The following IGF2R variants were observed in gnomAD, a reference collection of about 807,000 sequenced individuals.
IGF2R encodes insulin like growth factor 2 receptor.
In IGF2R, 91 loss-of-function variants were observed where a neutral mutation model predicts 270.6. The ratio of observed to expected loss-of-function variants is 0.34; its 90% confidence interval spans 0.28 to 0.40. The LOEUF (loss-of-function observed/expected upper bound fraction) is 0.40, where lower values mean the gene tolerates loss of function less well. Ranked by LOEUF, IGF2R falls within the 10% of genes least tolerant of loss-of-function variation. IGF2R has a pLI of 1.00. For missense variants in IGF2R, 2,805 were observed against 3,188.3 expected, an observed-to-expected ratio of 0.88 and a Z score of 2.90; for synonymous variants, 1,316 against 1,258.9, an observed-to-expected ratio of 1.05 and a Z score of -0.96.
intron 4 of IGF2R, among the ~76,000 whole-genome samples, chr6:160,012,649 G>A (rs77740224): frequency 2.6e-5 from 4 of 151,286 alleles, no homozygotes; most frequent in Non-Finnish European, 5.9e-5. Flanking sequence ...CCCAGGCCCC[G>A]CCTCCAATGT....
intron 4 of IGF2R, among the ~76,000 whole-genome samples, chr6:160,015,467 C>T (rs1241086722): frequency 6.6e-6 from 1 of 151,838 alleles, no homozygotes; most frequent in Non-Finnish European, 1.5e-5. Flanking sequence ...AGTTGGGTGC[C>T]CCTACTTCAT....
At chr6:160,051,644 A>G (rs1432983912) in intron 19 of IGF2R, among the ~76,000 whole-genome samples, 2 of 152,148 alleles carry the variant, frequency 1.3e-5, no homozygotes, top group African/African-American at 2.4e-5. Flanking sequence ...TGTATGTGTA[A>G]TACAAAACAG....
chr6:159,972,146 C>T (rs80289813), intron 1 of IGF2R, among the ~76,000 whole-genome samples: 4,159 of 151,984 alleles, frequency 0.027, 175 homozygotes, highest in African/African-American at 0.095. Context: ...AAAATTTTAT[C>T]GTGTCACCAA....
chr6:160,090,605 G>T (rs768673644), intron 44 of IGF2R, among the ~76,000 whole-genome samples: 11 of 152,214 alleles, frequency 7.2e-5, no homozygotes, highest in Non-Finnish European at 1.0e-4. Flanking sequence ...ACTAATAAGG[G>T]TGTTGCCCTT....
chr6:160,004,886 G>A lies in IGF2R; in HGVS notation c.290-4124G>A, dbSNP rs376514127. The A allele has an allele frequency of 7.5e-4, 114 of 152,372 alleles. No individual in the cohort carries two copies. Among genetic ancestry groups the A allele is most frequent in the African/African-American group, 2.4e-3 (99 of 41,552 alleles). The allele number at this position is 152,372 out of a possible 1,614,324, so 9.4% of individuals were successfully genotyped here. A position where few individuals can be genotyped will look rare whatever the true frequency, so the allele number is the denominator to read the frequency against. ...GGACTGCACTGCGACGAGACAGGAGGAAAGGTCAAACCTGTCTCCCCAAGC... is the reference window on the plus strand; with the variant it reads ...GGACTGCACTGCGACGAGACAGGAGAAAAGGTCAAACCTGTCTCCCCAAGC... On this transcript the variant is annotated intron_variant, in intron 2 of 47. Coordinates refer to ENST00000356956, the MANE Select transcript of IGF2R (RefSeq NM_000876.4). The surrounding 1 kb of genome is among the most constrained non-coding windows in gnomAD (Gnocchi z 5.2).
In IGF2R at chr6:160,022,777, A is replaced by T. The variant is rs567768445; in HGVS notation, c.514-1795A>T. 1.5e-3 allele frequency among the ~76,000 whole-genome samples: 234 copies of T among 152,312 alleles called. 2 individuals are homozygous for T. The highest frequency in any genetic ancestry group is 5.5e-3 in the African/African-American group (228 of 41,564). ...GAGGCTGAGTATGGGAGACAGAGAG[A>T]GGTAGAGAGTGCTGTTTTAGGTAAA... On this transcript the variant is annotated intron_variant, in intron 4 of 47. Transcript: ENST00000356956.
intron 45 of IGF2R, among the ~76,000 whole-genome samples, chr6:160,100,589 G>GA (rs1351936141): frequency 2.0e-5 from 3 of 152,220 alleles, no homozygotes; most frequent in East Asian, 3.9e-4. Context: ...ACAGCACAGT[G>GA]AAAAGCAAGA....
intron 19 of IGF2R, among the ~76,000 whole-genome samples, chr6:160,054,957 C>A (rs890116578): frequency 6.6e-6 from 1 of 152,112 alleles, no homozygotes; most frequent in Admixed American, 6.5e-5. Context: ...CACTCACCTG[C>A]CTGGTCTGCT....
At chr6:160,089,337 T>A (rs1779167618) in intron 43 of IGF2R, 84 bp downstream of exon 43, 1 of 1,267,136 alleles carries the variant, frequency 7.9e-7, no homozygotes, top group African/African-American at 1.5e-5. Context: ...CGGGGAGCAC[T>A]GCAGGATAAA....
intron 30 of IGF2R, among the ~76,000 whole-genome samples, chr6:160,068,661 A>G (rs1416483831): frequency 2.3e-5 from 3 of 128,812 alleles, no homozygotes; most frequent in Non-Finnish European, 4.9e-5. Context: ...GGTGGTTGCA[A>G]TGAATGTATT....
intron 19 of IGF2R, among the ~76,000 whole-genome samples, chr6:160,054,906 G>A (rs1420795886): frequency 6.6e-6 from 1 of 152,164 alleles, no homozygotes; most frequent in Non-Finnish European, 1.5e-5. Flanking sequence ...TGAGCCAGCA[G>A]GATGCGTTCT....
rs182452991 is a variant in IGF2R at position 160,040,964 on chromosome 6, C to T, written c.1480+240C>T. ...TTTCACCCTTTTACACACTGCCTCT[C>T]TTCCATCTCTGAGGTGGGATCTGCA... is the stretch of plus-strand genomic sequence containing the variant. On this transcript the variant is annotated intron_variant, in intron 11 of 47. Coordinates refer to ENST00000356956, the MANE Select transcript of IGF2R (RefSeq NM_000876.4). 2.3e-3 allele frequency among the ~76,000 whole-genome samples: 345 copies of T among 152,328 alleles called. 5 individuals carry two copies. Among genetic ancestry groups the T allele is most frequent in the African/African-American group, 8.0e-3 (334 of 41,572 alleles).
At chr6:160,062,762 C>T in intron 26 of IGF2R, 143 bp downstream of exon 26, 8 of 566,762 alleles carry the variant, frequency 1.4e-5, no homozygotes, top group Non-Finnish European at 2.5e-5. Flanking sequence ...AATTTCTTTT[C>T]CTTGAGCTTT....
At chr6:160,022,404 CAA>C (rs1183545622) in intron 4 of IGF2R, among the ~76,000 whole-genome samples, 1 of 152,146 alleles carries the variant, frequency 6.6e-6, no homozygotes, top group Non-Finnish European at 1.5e-5. Flanking sequence ...ATAAAACAAA[CAA>C]AGAGGCACCC....
At chr6:159,983,067 A>G (rs1430483113) in intron 1 of IGF2R, among the ~76,000 whole-genome samples, 1 of 152,142 alleles carries the variant, frequency 6.6e-6, no homozygotes, top group African/African-American at 2.4e-5. Flanking sequence ...TGTATTTTGA[A>G]TTTTTTATTT....
At chr6:160,046,055 C>T (rs4708856) in intron 14 of IGF2R, among the ~76,000 whole-genome samples, 173 bp downstream of exon 14, 8,602 of 152,250 alleles carry the variant, frequency 0.056, 579 homozygotes, top group East Asian at 0.31. Flanking sequence ...ACTGAAAATA[C>T]TATCTTAAAT....
At chr6:160,090,139 C>G in intron 44 of IGF2R, 36 bp downstream of exon 44, 1 of 1,409,448 alleles carries the variant, frequency 7.1e-7, no homozygotes, top group Non-Finnish European at 9.4e-7. Flanking sequence ...CCACATTTAA[C>G]TTCCTCCAAG....
At chr6:159,970,317 A>ACTTTTCATCCT (rs1783591151) in intron 1 of IGF2R, among the ~76,000 whole-genome samples, 1 of 152,102 alleles carries the variant, frequency 6.6e-6, no homozygotes, top group African/African-American at 2.4e-5. Flanking sequence ...CAGGATGAAA[A>ACTTTTCATCCT]GTTTTGAACA....
intron 44 of IGF2R, chr6:160,094,229 T>G (rs551945395): frequency 6.1e-5 from 20 of 329,480 alleles, no homozygotes; most frequent in Admixed American, 3.7e-4. Flanking sequence ...CATTCGCCAG[T>G]TCTTCATTTA....
Sources: allele counts gnomAD v4.1 joint callset (sites outside exome capture counted in the v4.1 genomes callset), GRCh38; gene constraint gnomAD v4.1.1; non-coding constraint Gnocchi (gnomAD v3.1); transcripts MANE v1.5; gene names NCBI Gene and HGNC (gene_info 2026-07-23, HGNC 2026-07-21).